The following COG3 variants were observed in gnomAD, a reference collection of about 807,000 sequenced individuals.
COG3 encodes the protein conserved oligomeric Golgi complex subunit 3.
Under a neutral mutation model 114.1 loss-of-function variants are expected in COG3, and 32 were observed. That is an observed-to-expected ratio of 0.28 (90% confidence interval 0.21 to 0.38). The LOEUF (loss-of-function observed/expected upper bound fraction) is 0.38, where lower values mean the gene tolerates loss of function less well. Ranked by LOEUF, COG3 falls within the 10% of genes least tolerant of loss-of-function variation. The pLI is 1.00. For synonymous variants in COG3, 352 were observed against 365.7 expected (o/e 0.96, Z 0.43); for missense variants, 813 against 973.2 (o/e 0.84, Z 2.19).
intron 12 of COG3, 135 bp downstream of exon 12, chr13:45,493,621 C>T: frequency 1.6e-6 from 1 of 641,872 alleles, no homozygotes; most frequent in East Asian, 3.0e-5. Context: ...TGCCTTACCC[C>T]TTCTTGAATG....
At chr13:45,500,799 A>G (rs1235439721) in intron 13 of COG3, among the ~76,000 whole-genome samples, 10 of 152,220 alleles carry the variant, frequency 6.6e-5, no homozygotes, top group Non-Finnish European at 1.3e-4. Context: ...ACCACGTTGC[A>G]CTTAGTTTTT....
intron 8 of COG3, among the ~76,000 whole-genome samples, chr13:45,489,883 A>C (rs1313357439): frequency 6.6e-6 from 1 of 151,678 alleles, no homozygotes; most frequent in African/African-American, 2.4e-5. Flanking sequence ...TAAAGAAGAA[A>C]ATTTTGAAAA....
intron 12 of COG3, among the ~76,000 whole-genome samples, chr13:45,494,617 C>G (rs1231234576): frequency 6.6e-6 from 1 of 152,100 alleles, no homozygotes; most frequent in Non-Finnish European, 1.5e-5. Context: ...CCTCTGCCTC[C>G]CGGGGTCAAG....
At chr13:45,511,360 A>T (rs1870843081) in intron 15 of COG3, among the ~76,000 whole-genome samples, 1 of 152,174 alleles carries the variant, frequency 6.6e-6, no homozygotes, top group African/African-American at 2.4e-5. Context: ...CCTAAAATAC[A>T]ATTCTGTTGT....
Position 45,493,566 on chromosome 13 carries a change from A to C in COG3, c.1327+80A>C. The C allele has an allele frequency of 3.9e-6, 5 of 1,266,428 alleles. No individual in the cohort carries two copies. In the South Asian group the frequency reaches 7.4e-5, roughly 19 times the overall value. The allele number at this position is 1,266,428 out of a possible 1,614,324, so 78.4% of individuals were successfully genotyped here. On this transcript the variant is annotated intron_variant, in intron 12 of 22. Coordinates refer to ENST00000349995, the MANE Select transcript of COG3 (RefSeq NM_031431.4). ...AAAAAAAATAAGTGCTTCTTCCCTCACCCCACTAAATAGATAAATTTAATA... is the reference window on the plus strand; with the variant it reads ...AAAAAAAATAAGTGCTTCTTCCCTCCCCCCACTAAATAGATAAATTTAATA...
At chr13:45,519,277 T>C (rs764309840) in intron 19 of COG3, among the ~76,000 whole-genome samples, 183 bp downstream of exon 19, 1 of 152,256 alleles carries the variant, frequency 6.6e-6, no homozygotes, top group South Asian at 2.1e-4. Flanking sequence ...CTTTTAGATA[T>C]GCTTGCACAG....
intron 22 of COG3, among the ~76,000 whole-genome samples, chr13:45,531,548 C>T (rs1925759): frequency 1.6e-3 from 241 of 151,510 alleles, no homozygotes; most frequent in African/African-American, 5.7e-3. Flanking sequence ...GTCTTTGTTG[C>T]CCAGGCTGGA....
intron 17 of COG3, 48 bp from the exon 18 acceptor site, chr13:45,518,714 G>A (rs1871800311): frequency 7.1e-7 from 1 of 1,416,868 alleles, no homozygotes; most frequent in African/African-American, 1.4e-5. Context: ...TCATGGCTTT[G>A]CTGTTGAAAC....
intron 9 of COG3, 143 bp downstream of exon 9, chr13:45,491,101 T>A (rs1047396185): frequency 1.4e-5 from 9 of 632,496 alleles, no homozygotes; most frequent in Non-Finnish European, 2.4e-5. Context: ...GGGAGCAAGG[T>A]CACAGACTTA....
chr13:45,475,724 G>A (rs1024653810), intron 1 of COG3, among the ~76,000 whole-genome samples: 3 of 151,982 alleles, frequency 2.0e-5, no homozygotes, highest in African/African-American at 4.8e-5. Context: ...CAGCACTTTG[G>A]AAGGCTAAGG....
chr13:45,501,003 C>A (rs1008714038), intron 13 of COG3, among the ~76,000 whole-genome samples: 1 of 152,152 alleles, frequency 6.6e-6, no homozygotes, highest in African/African-American at 2.4e-5. Context: ...GGGAGGAAAA[C>A]CACAGTGGTG....
At chr13:45,468,686 GA>G (rs142831595) in intron 1 of COG3, among the ~76,000 whole-genome samples, 15,918 of 152,236 alleles carry the variant, frequency 0.1, 949 homozygotes, top group East Asian at 0.13. Flanking sequence ...CAAAGCTTGA[GA>G]ATTTATTGTA....
At chr13:45,519,779 AC>A (rs1440056179) in intron 19 of COG3, among the ~76,000 whole-genome samples, 2 of 152,254 alleles carry the variant, frequency 1.3e-5, no homozygotes, top group South Asian at 4.2e-4. Context: ...GTTTTCAGGA[AC>A]CTATTGCTGA....
chr13:45,505,465 A>G, intron 14 of COG3, among the ~76,000 whole-genome samples: 1 of 151,414 alleles, frequency 6.6e-6, no homozygotes, highest in South Asian at 2.1e-4. Context: ...GCACGCCCAG[A>G]TAATTTTTGT....
At chr13:45,486,290 CGGG>C (rs1566248272) in intron 7 of COG3, among the ~76,000 whole-genome samples, 3 of 75,396 alleles carry the variant, frequency 4.0e-5, no homozygotes, top group Non-Finnish European at 7.2e-5. Flanking sequence ...GGGAGACCAT[CGGG>C]AGACGGGAGA....
At position 45,535,014 on chromosome 13, in the gene COG3, C is replaced by A; in HGVS notation, c.*283C>A. 1 of 1,185,604 alleles carries A rather than the reference C, an allele frequency of 8.4e-7. No homozygotes were observed. Among genetic ancestry groups the A allele is most frequent in the African/African-American group, 1.6e-5 (1 of 63,458 alleles). 73.4% of individuals were successfully genotyped at this position (1,185,604 alleles called of 1,614,324 possible). A position where few individuals can be genotyped will look rare whatever the true frequency, so the allele number is the denominator to read the frequency against. ...TGAAGAGAGAGCTAGGGCAGACATG[C>A]AGTGAAATGGTTCTTTGTTAAAAAT... On this transcript the variant is annotated 3_prime_UTR_variant, in exon 23 of 23. Coordinates refer to ENST00000349995, the MANE Select transcript of COG3 (RefSeq NM_031431.4).
chr13:45,500,027 T>C (rs1055414083), intron 13 of COG3, among the ~76,000 whole-genome samples: 1,329 of 124,210 alleles, frequency 0.011, 23 homozygotes, highest in African/African-American at 0.054. Context: ...TAAAAAAAAA[T>C]ATATATATAT....
intron 8 of COG3, among the ~76,000 whole-genome samples, chr13:45,487,165 G>T (rs890836467): frequency 6.6e-6 from 1 of 152,122 alleles, no homozygotes; most frequent in Non-Finnish European, 1.5e-5. Context: ...GTGGGGAAAG[G>T]ATGATTGCTG....
Position 45,481,458 on chromosome 13 carries a change from C to A in COG3, c.624+154C>A, listed in dbSNP as rs538975736. On this transcript the variant is annotated intron_variant, in intron 5 of 22. Coordinates refer to ENST00000349995, the MANE Select transcript of COG3 (RefSeq NM_031431.4). ...TTCCTATTTGTAGACAGTGGAGATA[C>A]CATTACCAGTTCAGATTTTTAAATA... 5.9e-5 allele frequency among the ~76,000 whole-genome samples: 9 copies of A among 152,202 alleles called. No individual in the cohort carries two copies. The South Asian group carries it at 1.9e-3, about 32-fold the overall frequency.
Sources: gnomAD v4.1 joint callset for allele counts (sites outside exome capture counted in the v4.1 genomes callset) on GRCh38, gnomAD v4.1.1 for gene constraint, MANE v1.5 for transcripts, NCBI Gene and HGNC (gene_info 2026-07-23, HGNC 2026-07-21) for gene names.